Variants in TCERG1 observed in about 807,000 individuals in gnomAD.
TCERG1 encodes the protein transcription elongation regulator 1.
Under a neutral mutation model 144.7 loss-of-function variants are expected in TCERG1, and 37 were observed. The ratio of observed to expected loss-of-function variants is 0.26; its 90% CI spans 0.20 to 0.34. The LOEUF (loss-of-function observed/expected upper bound fraction) is 0.34. Among genes scored for constraint, TCERG1 ranks in the 10% least tolerant of loss-of-function variants. The pLI, the probability that TCERG1 is intolerant of heterozygous loss-of-function variation, is 1.00. For synonymous variants in TCERG1, 492 were observed against 458.2 expected, an observed-to-expected ratio of 1.07 and a Z score of -0.94; for missense variants, 1,027 against 1,380.7, an observed-to-expected ratio of 0.74 and a Z score of 4.06.
chr5:146,488,814 G>C (rs868682327), intron 15 of TCERG1, among the ~76,000 whole-genome samples: 9 of 152,264 alleles, frequency 5.9e-5, no homozygotes, highest in African/African-American at 2.2e-4. Flanking sequence ...CCAAGATACA[G>C]AATCAACCTA....
intron 19 of TCERG1, among the ~76,000 whole-genome samples, chr5:146,505,294 G>A (rs28501595): frequency 0.27 from 41,173 of 151,910 alleles, 6,761 homozygotes; most frequent in East Asian, 0.84. Context: ...TATCCGTTCT[G>A]TTGCAGTCAC....
Position 146,507,775 on chromosome 5 carries a change from G to A in TCERG1, c.2962-98G>A, listed in dbSNP as rs1581587887. The A allele has an allele frequency of 7.1e-6, 5 of 701,826 alleles. No individual in the cohort carries two copies. The highest frequency in any genetic ancestry group is 2.4e-5 in the South Asian group (1 of 42,532). The allele number at this position is 701,826 out of a possible 1,614,324, so 43.5% of individuals were successfully genotyped here. On this transcript the variant is annotated intron_variant, in intron 20 of 22. Coordinates refer to ENST00000679501, the MANE Select transcript of TCERG1 (RefSeq NM_001382548.1). The surrounding 1 kb of genome is among the most constrained non-coding windows in gnomAD (Gnocchi z 4.6). ...TTACGCTTGGGCATTACAAGAGATC[G>A]CAGGTCAGTGTGTAATATTATGTAC...
At position 146,463,753 on chromosome 5, in the gene TCERG1, G is replaced by A. The variant is rs753385190; in HGVS notation, c.1095G>A (p.Pro365=). The A allele has an allele frequency of 2.5e-6, 4 of 1,613,974 alleles. No homozygotes were observed. Among genetic ancestry groups the A allele is most frequent in the African/African-American group, 2.7e-5 (2 of 74,894 alleles). Residue 365 remains proline, a synonymous_variant, in exon 5 of 23, where the codon CCG becomes CCA. Transcript: ENST00000679501. ...CTTTTCCACCAGTAATGGTACCTCC[G>A]TTTCGTGTTCCCCTTCCTGGCATGC... is the stretch of plus-strand genomic sequence containing the variant. ...IPAFPPVMVP[P]FRVPLPGMPI... is the part of the protein sequence containing the mutation.
chr5:146,506,120 A>G (rs10050969), intron 19 of TCERG1, among the ~76,000 whole-genome samples: 41,237 of 151,974 alleles, frequency 0.27, 6,781 homozygotes, highest in East Asian at 0.84. Context: ...GGAAGGGATA[A>G]CGTCTTATTT....
intron 9 of TCERG1, among the ~76,000 whole-genome samples, chr5:146,475,980 C>G (rs1234129302): frequency 1.3e-5 from 2 of 152,100 alleles, no homozygotes; most frequent in African/African-American, 2.4e-5. Flanking sequence ...CATCTTTGGT[C>G]AGGAGAAGCC....
intron 15 of TCERG1, among the ~76,000 whole-genome samples, chr5:146,486,192 T>C (rs1231953182): frequency 6.6e-6 from 1 of 152,250 alleles, no homozygotes; most frequent in African/African-American, 2.4e-5. Context: ...TAATTTCATA[T>C]TTGCAGTTTG....
At chr5:146,483,806 A>G (rs1211130051) in intron 15 of TCERG1, among the ~76,000 whole-genome samples, 177 bp downstream of exon 15, 1 of 152,012 alleles carries the variant, frequency 6.6e-6, no homozygotes, top group Non-Finnish European at 1.5e-5. Flanking sequence ...AAATTCTTGG[A>G]TATTTTTGCC....
intron 9 of TCERG1, among the ~76,000 whole-genome samples, chr5:146,476,190 C>G (rs1764824047): frequency 6.6e-6 from 1 of 152,050 alleles, no homozygotes; most frequent in South Asian, 2.1e-4. Flanking sequence ...TTTTAGACTT[C>G]TTTGGCAGAC....
At chr5:146,489,136 G>GCCC (rs969509609) in intron 15 of TCERG1, among the ~76,000 whole-genome samples, 6 of 152,154 alleles carry the variant, frequency 3.9e-5, no homozygotes, top group African/African-American at 1.4e-4. Context: ...GCGTTGTGTA[G>GCCC]CCCTGTAGGA....
At chr5:146,505,886 C>T (rs10073084) in intron 19 of TCERG1, among the ~76,000 whole-genome samples, 27,099 of 152,096 alleles carry the variant, frequency 0.18, 3,709 homozygotes, top group East Asian at 0.79. Flanking sequence ...AAGTGATTCT[C>T]CTGCCTCAGT....
chr5:146,479,577 C>T (rs1480012341), intron 10 of TCERG1, among the ~76,000 whole-genome samples: 3 of 152,030 alleles, frequency 2.0e-5, no homozygotes, highest in African/African-American at 7.2e-5. Flanking sequence ...AATACATTAA[C>T]GTGCATTGTT....
intron 4 of TCERG1, among the ~76,000 whole-genome samples, chr5:146,461,377 G>T (rs1763313274): frequency 6.6e-6 from 1 of 151,966 alleles, no homozygotes; most frequent in Non-Finnish European, 1.5e-5. Flanking sequence ...ATAGTCACTT[G>T]TCTTTTTTAG....
intron 19 of TCERG1, among the ~76,000 whole-genome samples, chr5:146,506,117 A>T (rs1767969003): frequency 6.6e-6 from 1 of 152,044 alleles, no homozygotes; most frequent in Non-Finnish European, 1.5e-5. Context: ...GAAGGAAGGG[A>T]TAACGTCTTA....
intron 5 of TCERG1, among the ~76,000 whole-genome samples, chr5:146,466,183 C>T (rs746723156): frequency 1.3e-5 from 2 of 152,016 alleles, no homozygotes; most frequent in African/African-American, 2.4e-5. Flanking sequence ...TTTTCTTCCC[C>T]AAATCTTTGG....
chr5:146,483,594 C>T lies in TCERG1; in HGVS notation c.2128C>T (p.Arg710Trp). 1.2e-6 allele frequency: 2 copies of T among 1,612,150 alleles called. No individual in the cohort carries two copies. The highest frequency in any genetic ancestry group is 1.7e-6 in the Non-Finnish European group (2 of 1,178,948). Reference protein sequence around the residue: ...KELHKIVFDPRYLLLNPKERK... With the variant: ...KELHKIVFDPWYLLLNPKERK... Reference sequence around the variant, plus strand: ...GTTGCACAAGATAGTTTTTGATCCCCGGTACTTACTTCTCAATCCTAAAGA... The same window carrying T: ...GTTGCACAAGATAGTTTTTGATCCCTGGTACTTACTTCTCAATCCTAAAGA... The change falls in exon 15 of 23, where the codon CGG (arginine) becomes TGG (tryptophan). Residue 710 changes from arginine (R) to tryptophan (W), a missense_variant. Arg to Trp is a moderately radical substitution (Grantham distance 101). Transcript: ENST00000679501.
intron 17 of TCERG1, among the ~76,000 whole-genome samples, chr5:146,501,920 G>T (rs1767497665): frequency 1.0e-5 from 1 of 100,086 alleles, no homozygotes. Flanking sequence ...TTTTGAGATG[G>T]AGTTTTGCTT....
At chr5:146,504,326 G>A (rs3816016) in intron 19 of TCERG1, 28,514 of 194,614 alleles carry the variant, frequency 0.15, 3,791 homozygotes, top group East Asian at 0.72. Context: ...TAAACAAAAC[G>A]TGCTGAACAC....
In TCERG1 at chr5:146,459,224, C is replaced by A; in HGVS notation, c.779C>A (p.Thr260Asn). 1 of 1,614,294 alleles carries A rather than the reference C, an allele frequency of 6.2e-7. No individual in the cohort carries two copies. Among genetic ancestry groups the A allele is most frequent in the South Asian group, 1.1e-5 (1 of 91,092 alleles). ...CAAGCACAAGCAGTTGGAGCTTCCA[C>A]CCCTACGACCAGTAGCCCAGCACCT... is the stretch of plus-strand genomic sequence containing the variant. ...QVQAQAVGAS[T>N]PTTSSPAPAV... is the part of the protein sequence containing the mutation. The change falls in exon 4 of 23, where the codon ACC becomes AAC. Residue 260 changes from threonine (T) to asparagine (N), a missense_variant. Thr to Asn is a moderately conservative substitution (Grantham distance 65, BLOSUM62 0). Transcript: ENST00000679501.
In TCERG1 at chr5:146,509,137, A is replaced by G. The variant is rs780431448; in HGVS notation, c.3046-8A>G. 5 of 1,434,376 alleles carry G rather than the reference A, an allele frequency of 3.5e-6. No homozygotes were observed. The highest frequency in any genetic ancestry group is 2.8e-6 in the Non-Finnish European group (3 of 1,069,676). The allele number at this position is 1,434,376 out of a possible 1,614,324, so 88.9% of individuals were successfully genotyped here. Reference sequence around the variant, plus strand: ...CCATAATCTCAACTTTTTTTTTTTTATTAACAGAAAAAACAAAGAGAATTT... The same window carrying G: ...CCATAATCTCAACTTTTTTTTTTTTGTTAACAGAAAAAACAAAGAGAATTT... On this transcript the variant is annotated splice_polypyrimidine_tract_variant and splice_region_variant and intron_variant, in intron 21 of 22. Coordinates refer to ENST00000679501, the MANE Select transcript of TCERG1 (RefSeq NM_001382548.1).
Sources: allele counts gnomAD v4.1 joint callset (sites outside exome capture counted in the v4.1 genomes callset), GRCh38; gene constraint gnomAD v4.1.1; non-coding constraint Gnocchi (gnomAD v3.1); transcripts MANE v1.5; gene names NCBI Gene and HGNC (gene_info 2026-07-23, HGNC 2026-07-21).